Variants in PPP1R14C observed in about 807,000 individuals in gnomAD.
The protein encoded by PPP1R14C is protein phosphatase 1 regulatory subunit 14C.
A neutral mutation model predicts 20.4 loss-of-function variants in PPP1R14C; 16 were observed. That is an observed-to-expected ratio of 0.78 (90% confidence interval 0.53 to 1.19). The LOEUF (loss-of-function observed/expected upper bound fraction) is 1.19, where lower values mean the gene tolerates loss of function less well. PPP1R14C is among the 50% of genes most tolerant of loss of function. The pLI is 0.00. For missense variants in PPP1R14C, 211 were observed against 220.1 expected, an observed-to-expected ratio of 0.96 and a Z score of 0.26; for synonymous variants, 91 against 91.0, an observed-to-expected ratio of 1.00 and a Z score of 0.00.
intron 1 of PPP1R14C, among the ~76,000 whole-genome samples, chr6:150,153,743 G>A (rs760649617): frequency 2.0e-5 from 3 of 152,230 alleles, no homozygotes; most frequent in South Asian, 2.1e-4. Context: ...AGACCAGAAC[G>A]TGGGTGGGTC....
chr6:150,239,263 G>A (rs1467620731), intron 3 of PPP1R14C, among the ~76,000 whole-genome samples: 8 of 152,210 alleles, frequency 5.3e-5, no homozygotes, highest in African/African-American at 1.9e-4. Context: ...TGAAACATCA[G>A]CTTGGAGGCA....
At chr6:150,171,888 C>A (rs932103051) in intron 1 of PPP1R14C, among the ~76,000 whole-genome samples, 1 of 152,136 alleles carries the variant, frequency 6.6e-6, no homozygotes, top group Non-Finnish European at 1.5e-5. Context: ...TCACCGCAAC[C>A]TCTGCCTCCC....
At chr6:150,193,188 C>G (rs1777766324) in intron 1 of PPP1R14C, among the ~76,000 whole-genome samples, 1 of 152,008 alleles carries the variant, frequency 6.6e-6, no homozygotes, top group Admixed American at 6.6e-5. Flanking sequence ...TTATCCAAAT[C>G]ACCGAGGGAG....
At chr6:150,186,936 G>A (rs979765522) in intron 1 of PPP1R14C, among the ~76,000 whole-genome samples, 4 of 152,112 alleles carry the variant, frequency 2.6e-5, no homozygotes, top group Non-Finnish European at 4.4e-5. Flanking sequence ...AGTGGTGTGG[G>A]GTGGTCAGGT....
At chr6:150,217,063 T>C (rs1778103013) in intron 3 of PPP1R14C, among the ~76,000 whole-genome samples, 1 of 152,254 alleles carries the variant, frequency 6.6e-6, no homozygotes, top group Non-Finnish European at 1.5e-5. Flanking sequence ...TTAAAATTAA[T>C]GGAGCAGAGT....
rs559560962 is a variant in PPP1R14C, at chr6:150,191,773, G to A, written c.307-22971G>A. On this transcript the variant is annotated intron_variant, in intron 1 of 3. Coordinates refer to ENST00000361131, the MANE Select transcript of PPP1R14C (RefSeq NM_030949.3). ...CTCAGAGAGTATAGGGGAAATCTGC[G>A]TGTTTGAGTACTTATGCACATTGAA... Among the ~76,000 whole-genome samples, 24 of 152,302 alleles carry A rather than the reference G, an allele frequency of 1.6e-4. No individual in the cohort carries two copies. The South Asian group carries it at 3.7e-3, about 24-fold the overall frequency.
chr6:150,167,360 T>C (rs1041262877), intron 1 of PPP1R14C, among the ~76,000 whole-genome samples: 1 of 151,420 alleles, frequency 6.6e-6, no homozygotes, highest in Non-Finnish European at 1.5e-5. Context: ...AGAGCAAGAC[T>C]CCGTCTCGGG....
At chr6:150,170,194 G>A (rs1777480805) in intron 1 of PPP1R14C, among the ~76,000 whole-genome samples, 1 of 152,142 alleles carries the variant, frequency 6.6e-6, no homozygotes, top group African/African-American at 2.4e-5. Flanking sequence ...GAAGTGGAAT[G>A]GGAAATATTG....
intron 1 of PPP1R14C, among the ~76,000 whole-genome samples, chr6:150,175,182 A>G (rs1777548181): frequency 6.6e-6 from 1 of 152,092 alleles, no homozygotes; most frequent in Non-Finnish European, 1.5e-5. Flanking sequence ...AACTCCTTTC[A>G]TCCTCTTAAT....
At chr6:150,207,398 C>T (rs1242616377) in intron 1 of PPP1R14C, among the ~76,000 whole-genome samples, 2 of 152,208 alleles carry the variant, frequency 1.3e-5, no homozygotes, top group Admixed American at 6.5e-5. Flanking sequence ...GATGGGTGCC[C>T]GGTGGGGCTG....
chr6:150,208,185 G>A (rs1038653084), intron 1 of PPP1R14C, among the ~76,000 whole-genome samples: 4 of 152,106 alleles, frequency 2.6e-5, no homozygotes, highest in Non-Finnish European at 5.9e-5. Flanking sequence ...CCTGAGTTTC[G>A]GAGGGGTCAA....
chr6:150,156,681 A>C (rs546267045), intron 1 of PPP1R14C, among the ~76,000 whole-genome samples: 1 of 152,366 alleles, frequency 6.6e-6, no homozygotes, highest in Non-Finnish European at 1.5e-5. Flanking sequence ...GACAAGTCAA[A>C]AGAAAATGAG....
At chr6:150,237,461 C>G (rs934569586) in intron 3 of PPP1R14C, among the ~76,000 whole-genome samples, 17 of 152,240 alleles carry the variant, frequency 1.1e-4, no homozygotes, top group Non-Finnish European at 5.9e-5. Context: ...CCTCGGCCTC[C>G]CACAGTGCTG....
At chr6:150,191,736 A>G (rs1000850098) in intron 1 of PPP1R14C, among the ~76,000 whole-genome samples, 3 of 152,214 alleles carry the variant, frequency 2.0e-5, no homozygotes, top group Non-Finnish European at 4.4e-5. Context: ...GATGTTTGCT[A>G]TTCTTTAGCA....
intron 3 of PPP1R14C, among the ~76,000 whole-genome samples, chr6:150,242,114 A>C (rs149455615): frequency 9.2e-5 from 14 of 152,008 alleles, no homozygotes; most frequent in Admixed American, 5.2e-4. Flanking sequence ...ACACACAACA[A>C]AACAAAACAA....
intron 1 of PPP1R14C, among the ~76,000 whole-genome samples, chr6:150,168,557 AAAAC>A (rs1387496831): frequency 7.0e-5 from 10 of 142,460 alleles, no homozygotes. Context: ...AAAACAAAAC[AAAAC>A]AAAAAAACCC....
chr6:150,161,927 G>A (rs185852673), intron 1 of PPP1R14C, among the ~76,000 whole-genome samples: 1 of 152,308 alleles, frequency 6.6e-6, no homozygotes, highest in African/African-American at 2.4e-5. Flanking sequence ...TGTGTAGTCA[G>A]TCCTATGGAC....
intron 1 of PPP1R14C, among the ~76,000 whole-genome samples, chr6:150,145,442 T>C (rs1303171190): frequency 6.6e-6 from 1 of 152,264 alleles, no homozygotes; most frequent in Non-Finnish European, 1.5e-5. Flanking sequence ...TCAGTCATTG[T>C]AGGCTGAAGG....
intron 1 of PPP1R14C, among the ~76,000 whole-genome samples, chr6:150,178,299 A>AGGC (rs775485467): frequency 1.1e-4 from 16 of 152,214 alleles, no homozygotes; most frequent in African/African-American, 1.7e-4. Flanking sequence ...CCTGTGTAAG[A>AGGC]GGCTGGAGGA....
Sources: allele counts gnomAD v4.1 joint callset (sites outside exome capture counted in the v4.1 genomes callset), GRCh38; gene constraint gnomAD v4.1.1; transcripts MANE v1.5; gene names NCBI Gene and HGNC (gene_info 2026-07-23, HGNC 2026-07-21).